Variants in CLIP2 observed in about 807,000 individuals in gnomAD.
CLIP2 encodes the protein CAP-Gly domain containing linker protein 2.
A neutral mutation model predicts 111.7 loss-of-function variants in CLIP2; 41 were observed. That is an observed-to-expected ratio of 0.37 (90% CI 0.29 to 0.48). CLIP2 has a LOEUF of 0.48. Among genes scored for constraint, CLIP2 ranks in the 20% least tolerant of loss-of-function variants. The pLI, the probability that CLIP2 is intolerant of heterozygous loss-of-function variation, is 0.99. For missense variants in CLIP2, 1,160 were observed against 1,422.1 expected (o/e 0.82, Z 2.96); for synonymous variants, 660 against 644.2 (o/e 1.02, Z -0.37).
chr7:74,312,057 C>A (rs566264701), intron 1 of CLIP2, among the ~76,000 whole-genome samples: 41 of 152,114 alleles, frequency 2.7e-4, no homozygotes, highest in Admixed American at 1.3e-3. Flanking sequence ...ACCAGCCTGG[C>A]CAACATGGTG....
intron 13 of CLIP2, among the ~76,000 whole-genome samples, chr7:74,391,263 G>T (rs1791287763): frequency 6.6e-6 from 1 of 152,168 alleles, no homozygotes; most frequent in South Asian, 2.1e-4. Flanking sequence ...AAACAAAGGA[G>T]TATTTGAATG....
chr7:74,313,921 G>T (rs1788704351), intron 1 of CLIP2, among the ~76,000 whole-genome samples: 2 of 152,124 alleles, frequency 1.3e-5, no homozygotes, highest in Non-Finnish European at 2.9e-5. Context: ...AGTGGCTCAT[G>T]CCTGTAATCC....
Position 74,389,095 on chromosome 7 carries a change from GACCC to G in CLIP2, c.2564-7_2564-4del, listed in dbSNP as rs1554315323. On this transcript the variant is annotated splice_polypyrimidine_tract_variant and splice_region_variant and intron_variant, in intron 12 of 16. Coordinates refer to ENST00000223398, the MANE Select transcript of CLIP2 (RefSeq NM_003388.5). ...CCTCTTCCTCCCTTCCCTGCCGGCT[GACCC>G]CAGCGCTGGAGAGCAAGTGTAAGTC... 2.5e-6 allele frequency: 4 copies of G among 1,600,370 alleles called. No individual in the cohort carries two copies. Among genetic ancestry groups the G allele is most frequent in the Admixed American group, 3.5e-5 (2 of 57,180 alleles).
intron 1 of CLIP2, among the ~76,000 whole-genome samples, chr7:74,294,550 G>A (rs1261175372): frequency 6.6e-6 from 1 of 152,142 alleles, no homozygotes; most frequent in East Asian, 1.9e-4. Context: ...GGTCCCTTGG[G>A]ATGAGAGGGC....
intron 1 of CLIP2, among the ~76,000 whole-genome samples, chr7:74,303,707 T>C (rs1276893344): frequency 3.3e-5 from 5 of 150,074 alleles, no homozygotes; most frequent in South Asian, 4.2e-4. Flanking sequence ...AGGTCAGGAG[T>C]TCGAGACCAG....
At chr7:74,394,417 A>G (rs1554316361) in intron 13 of CLIP2, among the ~76,000 whole-genome samples, 2 of 151,496 alleles carry the variant, frequency 1.3e-5, no homozygotes. Context: ...TGCCGGGCTA[A>G]TTTTGTATTT....
At chr7:74,295,423 T>TG (rs1248046816) in intron 1 of CLIP2, among the ~76,000 whole-genome samples, 6 of 152,112 alleles carry the variant, frequency 3.9e-5, no homozygotes, top group African/African-American at 1.4e-4. Flanking sequence ...AGTGTGAAGT[T>TG]GGGGGAGTTA....
At chr7:74,395,677 C>T (rs1791425317) in intron 13 of CLIP2, among the ~76,000 whole-genome samples, 1 of 152,186 alleles carries the variant, frequency 6.6e-6, no homozygotes, top group East Asian at 1.9e-4. Flanking sequence ...TGAAGCCTTT[C>T]TTGATTGATA....
chr7:74,367,318 G>C (rs2116633050), intron 8 of CLIP2, among the ~76,000 whole-genome samples: 1 of 152,060 alleles, frequency 6.6e-6, no homozygotes, highest in East Asian at 1.9e-4. Flanking sequence ...AGCCTCCCAA[G>C]TTGCTGGGAC....
In CLIP2 at chr7:74,339,293, T is replaced by TTTTGCTTATTTA. The variant is rs1554732909; in HGVS notation, c.678+292_678+293insGCTTATTTATTT. ...AATGGGATATTTATTTATTTACTTA[T>TTTTGCTTATTTA]TTTACTTATTTATTTATTTATTTAT... On this transcript the variant is annotated intron_variant, in intron 3 of 16. Transcript: ENST00000223398. Among the ~76,000 whole-genome samples the TTTTGCTTATTTA allele has an allele frequency of 1.8e-3, 166 of 90,228 alleles. No homozygotes were observed. The Middle Eastern group carries it at 0.042, about 23-fold the overall frequency. The allele number at this position is 90,228 out of a possible 152,430, so 59.2% of individuals were successfully genotyped here.
intron 3 of CLIP2, among the ~76,000 whole-genome samples, chr7:74,340,181 A>C (rs773422561): frequency 1.3e-5 from 2 of 152,124 alleles, no homozygotes; most frequent in Non-Finnish European, 2.9e-5. Flanking sequence ...AAATCATCTG[A>C]GGTCAGGAGT....
chr7:74,331,744 T>C (rs1789288560), intron 2 of CLIP2, among the ~76,000 whole-genome samples: 1 of 151,270 alleles, frequency 6.6e-6, no homozygotes, highest in Non-Finnish European at 1.5e-5. Flanking sequence ...CAGCTAATTT[T>C]GTGTTTTTTA....
In CLIP2 at chr7:74,405,386, G is replaced by C. The variant is rs1187850261; in HGVS notation, c.*1538G>C. 7 of 152,262 alleles carry C rather than the reference G, an allele frequency of 4.6e-5. No individual in the cohort carries two copies. The highest frequency in any genetic ancestry group is 1.7e-4 in the African/African-American group (7 of 41,418). 9.4% of individuals were successfully genotyped at this position (152,262 alleles called of 1,614,324 possible). ...ATCCCGGCTTTCCCGTAACGCACAG[G>C]ACACGTGTGCAATTCATAGGAACGG... On this transcript the variant is annotated 3_prime_UTR_variant, in exon 17 of 17. Transcript: ENST00000223398.
At chr7:74,368,574 C>CA (rs1315352264) in intron 8 of CLIP2, among the ~76,000 whole-genome samples, 3 of 151,256 alleles carry the variant, frequency 2.0e-5, no homozygotes, top group African/African-American at 7.3e-5. Flanking sequence ...AAATAAAAAA[C>CA]AAAAAAAGTC....
chr7:74,317,410 C>T (rs1788812169), intron 1 of CLIP2, 70 bp from the exon 2 acceptor site: 1 of 1,095,086 alleles, frequency 9.1e-7, no homozygotes, highest in South Asian at 3.7e-5. Context: ...ATGTGTGTTG[C>T]TTGATGGCCC....
Position 74,317,623 on chromosome 7 carries a change from G to T in CLIP2, c.77G>T (p.Gly26Val), listed in dbSNP as rs553860682. 3.9e-6 allele frequency: 6 copies of T among 1,525,762 alleles called. No homozygotes were observed. Among genetic ancestry groups the T allele is most frequent in the South Asian group, 3.8e-5 (3 of 79,688 alleles). The allele number at this position is 1,525,762 out of a possible 1,614,324, so 94.5% of individuals were successfully genotyped here. A position where few individuals can be genotyped will look rare whatever the true frequency, so the allele number is the denominator to read the frequency against. The change falls in exon 2 of 17, where the codon GGG (glycine) becomes GTG (valine). Residue 26 changes from glycine to valine, a missense_variant. Coordinates refer to ENST00000223398, the MANE Select transcript of CLIP2 (RefSeq NM_003388.5). The stretch of plus-strand genomic sequence containing the variant: ...AGCCCCATGGGCCGGACATCTACTG[G>T]GTCAGCTTCATCCTCGGCGGCGGTG... ...HSSPMGRTST[G>V]SASSSAAVAA...
chr7:74,351,647 C>A (rs1483980907), intron 3 of CLIP2, among the ~76,000 whole-genome samples: 1 of 151,818 alleles, frequency 6.6e-6, no homozygotes. Flanking sequence ...ACCAGCCTGG[C>A]CAACATGGCG....
At chr7:74,340,890 C>A (rs1412467802) in intron 3 of CLIP2, among the ~76,000 whole-genome samples, 1 of 152,048 alleles carries the variant, frequency 6.6e-6, no homozygotes, top group Non-Finnish European at 1.5e-5. Context: ...GTGGGGAGCA[C>A]AGGCTTGGAG....
chr7:74,326,855 C>T (rs1404989678), intron 2 of CLIP2, among the ~76,000 whole-genome samples: 1 of 151,774 alleles, frequency 6.6e-6, no homozygotes, highest in Admixed American at 6.6e-5. Context: ...CCAGGCTGGT[C>T]TTGAACTCCT....
Sources: allele counts gnomAD v4.1 joint callset (sites outside exome capture counted in the v4.1 genomes callset), GRCh38; gene constraint gnomAD v4.1.1; transcripts MANE v1.5; gene names NCBI Gene and HGNC (gene_info 2026-07-23, HGNC 2026-07-21).